The following SSUH2 variants were observed in gnomAD, a reference collection of about 807,000 sequenced individuals.
SSUH2 encodes protein SSUH2 homolog.
SSUH2 carries 47 observed loss-of-function variants against 55.3 expected under a neutral mutation model. The ratio of observed to expected loss-of-function variants is 0.85; its 90% CI spans 0.67 to 1.08. The LOEUF (loss-of-function observed/expected upper bound fraction) is 1.08, where lower values mean the gene tolerates loss of function less well. Among genes scored for constraint, SSUH2 ranks in the 50% least tolerant of loss-of-function variants. SSUH2 has a pLI of 0.00. For missense variants in SSUH2, 535 were observed against 490.7 expected, an observed-to-expected ratio of 1.09 and a Z score of -0.85; for synonymous variants, 212 against 191.5, an observed-to-expected ratio of 1.11 and a Z score of -0.89.
At chr3:8,636,584 C>T (rs1299612924) in intron 1 of SSUH2, among the ~76,000 whole-genome samples, 1 of 152,102 alleles carries the variant, frequency 6.6e-6, no homozygotes, top group Non-Finnish European at 1.5e-5. Flanking sequence ...ATGCAGCTTC[C>T]TCCAGTGGAC....
rs868225492 is a variant in SSUH2, at chr3:8,633,811, C to T, written c.210-16G>A. ...CGCAGGGACTCTGCAGGGGACCGAACAGAGAGGCGGGGGCTTCTGGGAAGG... is the reference window on the plus strand; with the variant it reads ...CGCAGGGACTCTGCAGGGGACCGAATAGAGAGGCGGGGGCTTCTGGGAAGG... On this transcript the variant is annotated splice_polypyrimidine_tract_variant and intron_variant, in intron 3 of 11. Coordinates refer to ENST00000544814, the MANE Select transcript of SSUH2 (RefSeq NM_001256748.3). The T allele has an allele frequency of 1.2e-6, 2 of 1,613,666 alleles. No homozygotes were observed. Among genetic ancestry groups the T allele is most frequent in the Non-Finnish European group, 1.7e-6 (2 of 1,179,996 alleles).
rs35422335 is a variant in SSUH2, at chr3:8,677,682, A to G, written c.-900-329T>C. On this transcript the variant is annotated intron_variant, in intron 2 of 18. Transcript: ENST00000317371. ...GGCCTACGTCTCTAAACAACTAGAC[A>G]GGGTTTCTAAAGGATTGCCCCCCTG... Among the ~76,000 whole-genome samples the G allele has an allele frequency of 6.6e-5, 10 of 151,030 alleles. 1 individual carries two copies. The highest frequency in any genetic ancestry group is 2.1e-4 in the South Asian group (1 of 4,702).
chr3:8,655,639 C>T (rs1311841633), intron 7 of SSUH2, among the ~76,000 whole-genome samples: 2 of 152,240 alleles, frequency 1.3e-5, no homozygotes, highest in African/African-American at 4.8e-5. Context: ...TGACTTGGAA[C>T]TCGTTATGCA....
chr3:8,661,863 G>T (rs1478628645), intron 6 of SSUH2, among the ~76,000 whole-genome samples: 1 of 152,182 alleles, frequency 6.6e-6, no homozygotes, highest in Non-Finnish European at 1.5e-5. Context: ...GGGACCCAGT[G>T]GGAGATAATT....
chr3:8,658,618 G>A (rs1478439599), intron 7 of SSUH2, among the ~76,000 whole-genome samples: 2 of 152,188 alleles, frequency 1.3e-5, no homozygotes, highest in Non-Finnish European at 2.9e-5. Context: ...CTGCCCACTG[G>A]AAAGGCAAAG....
At chr3:8,671,135 C>G in exon 5 of SSUH2, 1 of 206,320 alleles carries the variant, frequency 4.8e-6, no homozygotes, top group Non-Finnish European at 1.1e-5. Flanking sequence ...CGTCCTGTGA[C>G]ATTAGCAGTA....
rs149823656 is a variant in SSUH2 at position 8,642,749 on chromosome 3, C to T, written c.28+1982G>A. ...CACTATAGTGCCTGGAACATTAACT[C>T]GATTGGATAAAATGGGCAATCACCT... On this transcript the variant is annotated intron_variant, in intron 1 of 11. Coordinates refer to ENST00000544814, the MANE Select transcript of SSUH2 (RefSeq NM_001256748.3). Among the ~76,000 whole-genome samples, 317 of 152,260 alleles carry T rather than the reference C, an allele frequency of 2.1e-3. 1 individual carries two copies. Among genetic ancestry groups the T allele is most frequent in the African/African-American group, 7.2e-3 (298 of 41,538 alleles).
chr3:8,673,483 T>G (rs1317492759), intron 3 of SSUH2, among the ~76,000 whole-genome samples: 3 of 152,062 alleles, frequency 2.0e-5, no homozygotes, highest in African/African-American at 7.2e-5. Flanking sequence ...TACCAGCCCT[T>G]CACCTCTGCT....
intron 5 of SSUH2, 41 bp from the exon 6 acceptor site, chr3:8,630,970 G>A: frequency 4.5e-6 from 6 of 1,337,014 alleles, no homozygotes; most frequent in Non-Finnish European, 5.8e-6. Context: ...ACGAAGGGCA[G>A]CAGGGATAAA....
chr3:8,666,405 G>T (rs534885496), intron 5 of SSUH2, among the ~76,000 whole-genome samples: 1 of 152,254 alleles, frequency 6.6e-6, no homozygotes, highest in South Asian at 2.1e-4. Flanking sequence ...ATCTTAGGCT[G>T]GGCTCCTGAG....
intron 7 of SSUH2, 31 bp downstream of exon 7, chr3:8,629,633 C>CTGACTCACCAGTGGTTCTCAGA: frequency 6.3e-7 from 1 of 1,587,726 alleles, no homozygotes; most frequent in Non-Finnish European, 8.6e-7. Context: ...CACACCCTCA[C>CTGACTCACCAGTGGTTCTCAGA]TGACTCACCA....
intron 7 of SSUH2, among the ~76,000 whole-genome samples, chr3:8,653,397 A>G (rs1702623835): frequency 6.6e-6 from 1 of 152,260 alleles, no homozygotes; most frequent in Non-Finnish European, 1.5e-5. Flanking sequence ...GTCAATTTAC[A>G]TGTAAATTTG....
intron 2 of SSUH2, among the ~76,000 whole-genome samples, chr3:8,678,870 C>T (rs557958635): frequency 1.8e-5 from 2 of 111,972 alleles, no homozygotes; most frequent in African/African-American, 6.4e-5. Context: ...CCCAGCCTGG[C>T]TCTTAGGATC....
At position 8,630,808 on chromosome 3, in the gene SSUH2, G is replaced by A. The variant is rs1028804313; in HGVS notation, c.522C>T (p.Val174=). 6.8e-7 allele frequency: 1 copy of A among 1,460,696 alleles called. No individual in the cohort carries two copies. Among genetic ancestry groups the A allele is most frequent in the South Asian group, 1.5e-5 (1 of 64,642 alleles). The allele number at this position is 1,460,696 out of a possible 1,614,324, so 90.5% of individuals were successfully genotyped here. The part of the protein sequence containing the change: ...RKFQVPHSSL[V]KECHKCHGRG... ...GTAATCGCGTTAATCGTATTACCTT[G>A]ACCAGTGACGAGTGAGGGACCTGGA... The change falls in exon 6 of 12, where the codon GTC becomes GTT. Residue 174 remains valine, a synonymous_variant. Coordinates refer to ENST00000544814, the MANE Select transcript of SSUH2 (RefSeq NM_001256748.3).
In SSUH2 at chr3:8,677,639, G is replaced by A. The variant is rs369353482; in HGVS notation, c.-900-286C>T. 1.2e-4 allele frequency among the ~76,000 whole-genome samples: 18 copies of A among 151,002 alleles called. 1 individual carries two copies. The highest frequency in any genetic ancestry group is 4.3e-4 in the South Asian group (2 of 4,698). ...CTGGACTTTTAACCCAAACTGTGGG[G>A]CCCTGGCTGAGGCCGGTGGCCTACG... On this transcript the variant is annotated intron_variant, in intron 2 of 18. Transcript: ENST00000317371.
intron 6 of SSUH2, chr3:8,663,692 A>G (rs1171032362): frequency 1.0e-5 from 4 of 399,392 alleles, no homozygotes; most frequent in East Asian, 7.6e-5. Flanking sequence ...TAACTAACTC[A>G]GCCTCCCCCA....
At chr3:8,679,891 G>C (rs1705838382) in intron 1 of SSUH2, 1 of 152,226 alleles carries the variant, frequency 6.6e-6, no homozygotes, top group Non-Finnish European at 1.5e-5. Flanking sequence ...AAGAGCTGTG[G>C]GGTTTTGTAG....
At chr3:8,638,841 C>G (rs1700364270) in intron 1 of SSUH2, among the ~76,000 whole-genome samples, 1 of 152,176 alleles carries the variant, frequency 6.6e-6, no homozygotes, top group Non-Finnish European at 1.5e-5. Context: ...TGGCCCCCCA[C>G]CCACCCACAA....
At chr3:8,626,184 C>T (rs1469976057) in intron 9 of SSUH2, 45 bp downstream of exon 9, 2 of 1,538,774 alleles carry the variant, frequency 1.3e-6, no homozygotes, top group Admixed American at 1.7e-5. Context: ...GGCTAAGTCC[C>T]TCAGCCACCC....
Sources: allele counts gnomAD v4.1 joint callset (sites outside exome capture counted in the v4.1 genomes callset), GRCh38; gene constraint gnomAD v4.1.1; transcripts MANE v1.5; gene names NCBI Gene and HGNC (gene_info 2026-07-23, HGNC 2026-07-21).